CDK6: variants seen among roughly 807,000 people sequenced by gnomAD.
CDK6 encodes cyclin dependent kinase 6, also known as cyclin-dependent kinase 6.
CDK6 carries 6 observed loss-of-function variants against 37.1 expected under a neutral mutation model. The observed-to-expected ratio is 0.16, with a 90% CI of 0.09 to 0.32. The LOEUF is 0.32. Ranked by LOEUF, CDK6 falls within the 10% of genes least tolerant of loss-of-function variation. The probability of loss-of-function intolerance (pLI) is 1.00; values close to 1 mark genes in which losing one functional copy is unlikely to be tolerated. For synonymous variants in CDK6, 160 were observed against 161.3 expected, an observed-to-expected ratio of 0.99 and a Z score of 0.06; for missense variants, 224 against 418.9, an observed-to-expected ratio of 0.53 and a Z score of 4.06.
intron 5 of CDK6, among the ~76,000 whole-genome samples, chr7:92,629,307 A>G (rs1796000877): frequency 6.6e-6 from 1 of 152,086 alleles, no homozygotes; most frequent in South Asian, 2.1e-4. Flanking sequence ...AAAAATAAAT[A>G]GCTGAATTAA....
intron 2 of CDK6, among the ~76,000 whole-genome samples, chr7:92,780,082 C>T (rs986217260): frequency 6.6e-6 from 1 of 152,178 alleles, no homozygotes; most frequent in Non-Finnish European, 1.5e-5. Context: ...AAGTGATTCT[C>T]CTGCCTCAGC....
intron 2 of CDK6, among the ~76,000 whole-genome samples, chr7:92,808,711 G>A (rs1800791277): frequency 1.3e-5 from 2 of 152,158 alleles, no homozygotes; most frequent in South Asian, 4.1e-4. Flanking sequence ...AGTATTTTGA[G>A]GTAGGGTGGT....
rs79540179 is a variant in CDK6, at chr7:92,770,931, T to C, written c.369+3765A>G. ...GGTCTTGTTTTGATTTTCTATTTTA[T>C]ATATATTTCATGTTAAAATATCTGG... On this transcript the variant is annotated intron_variant, in intron 3 of 7. Coordinates refer to ENST00000424848, the MANE Select transcript of CDK6 (RefSeq NM_001145306.2). Among the ~76,000 whole-genome samples the C allele has an allele frequency of 4.9e-4, 74 of 152,220 alleles. No homozygotes were observed. The East Asian group carries it at 0.013, about 27-fold the overall frequency.
At chr7:92,717,520 A>G (rs753390393) in intron 4 of CDK6, among the ~76,000 whole-genome samples, 1 of 152,088 alleles carries the variant, frequency 6.6e-6, no homozygotes, top group Non-Finnish European at 1.5e-5. Context: ...AGAAAGAAAG[A>G]AAAGAAAAAG....
At chr7:92,794,365 T>C (rs994020462) in intron 2 of CDK6, among the ~76,000 whole-genome samples, 1 of 152,136 alleles carries the variant, frequency 6.6e-6, no homozygotes, top group Non-Finnish European at 1.5e-5. Flanking sequence ...AGCCAGGATT[T>C]GTACTCAGAA....
rs1562913735 is a variant in CDK6, at chr7:92,623,013, GTAAAATTA to G, written c.698+15_698+22del. On this transcript the variant is annotated intron_variant, in intron 6 of 7. Coordinates refer to ENST00000424848, the MANE Select transcript of CDK6 (RefSeq NM_001145306.2). ...ATGTTTTAATGCTATGGACACTGGT[GTAAAATTA>G]TAATTATTACTTACTCCAAGATTTT... 6.1e-6 allele frequency: 9 copies of G among 1,476,924 alleles called. No homozygotes were observed. Among genetic ancestry groups the G allele is most frequent in the Non-Finnish European group, 7.5e-6 (8 of 1,067,762 alleles). The allele number at this position is 1,476,924 out of a possible 1,614,324, so 91.5% of individuals were successfully genotyped here. A position where few individuals can be genotyped will look rare whatever the true frequency, so the allele number is the denominator to read the frequency against.
Position 92,805,928 on chromosome 7 carries a change from G to A in CDK6, c.233+27163C>T, listed in dbSNP as rs145883621. ...AAAATGTATCTTCTTGTAGGGGAAGGGGAGTGAAGAGTCATTGTTTAGTGA... is the reference window on the plus strand; with the variant it reads ...AAAATGTATCTTCTTGTAGGGGAAGAGGAGTGAAGAGTCATTGTTTAGTGA... On this transcript the variant is annotated intron_variant, in intron 2 of 7. Coordinates refer to ENST00000424848, the MANE Select transcript of CDK6 (RefSeq NM_001145306.2). Among the ~76,000 whole-genome samples the A allele has an allele frequency of 2.0e-3, 311 of 152,238 alleles. 2 individuals are homozygous for A. The highest frequency in any genetic ancestry group is 7.2e-3 in the African/African-American group (301 of 41,536).
intron 4 of CDK6, among the ~76,000 whole-genome samples, chr7:92,704,103 A>C (rs1228059336): frequency 6.6e-6 from 1 of 152,050 alleles, no homozygotes; most frequent in African/African-American, 2.4e-5. Flanking sequence ...TACGCAAAAG[A>C]CCTTCTTTGA....
At chr7:92,757,934 G>C (rs1799356149) in intron 3 of CDK6, among the ~76,000 whole-genome samples, 1 of 152,120 alleles carries the variant, frequency 6.6e-6, no homozygotes, top group Admixed American at 6.5e-5. Context: ...AAATATGCTT[G>C]TTGACCACAT....
At chr7:92,713,299 T>C (rs556390496) in intron 4 of CDK6, among the ~76,000 whole-genome samples, 1 of 152,224 alleles carries the variant, frequency 6.6e-6, no homozygotes, top group Non-Finnish European at 1.5e-5. Flanking sequence ...GTAAAGTCTT[T>C]TAAAATGCAT....
intron 2 of CDK6, among the ~76,000 whole-genome samples, chr7:92,800,155 C>A (rs914253473): frequency 1.3e-5 from 2 of 152,140 alleles, no homozygotes; most frequent in Non-Finnish European, 2.9e-5. Flanking sequence ...TAATTTAGGC[C>A]ACCATTATTT....
Position 92,788,854 on chromosome 7 carries a change from T to G in CDK6, c.234-14023A>C, listed in dbSNP as rs767357535. 7.7e-4 allele frequency among the ~76,000 whole-genome samples: 117 copies of G among 152,242 alleles called. No individual in the cohort carries two copies. In the Middle Eastern group the frequency reaches 0.014, roughly 18 times the overall value. ...GGAAGCAGCCAGGCATGGTGGCTCA[T>G]GCATGTAATCTCAACACTTTGGGAG... On this transcript the variant is annotated intron_variant, in intron 2 of 7. Transcript: ENST00000424848.
intron 2 of CDK6, among the ~76,000 whole-genome samples, chr7:92,800,448 C>A (rs1222129148): frequency 2.0e-5 from 3 of 152,128 alleles, no homozygotes; most frequent in Admixed American, 2.0e-4. Context: ...TTAATTTTGT[C>A]TTCTGAACTG....
chr7:92,662,347 G>A (rs780589913), intron 5 of CDK6, among the ~76,000 whole-genome samples: 2 of 152,110 alleles, frequency 1.3e-5, no homozygotes, highest in Admixed American at 6.5e-5. Flanking sequence ...CTTAAGGATC[G>A]TGGGGATGGG....
chr7:92,690,893 T>C (rs1478027236), intron 4 of CDK6, among the ~76,000 whole-genome samples: 3 of 152,216 alleles, frequency 2.0e-5, no homozygotes, highest in African/African-American at 7.2e-5. Flanking sequence ...GGGAGTCAAT[T>C]ACCACTATAT....
Position 92,614,822 on chromosome 7 carries a change from C to G in CDK6, c.*318G>C, listed in dbSNP as rs1166835459. 2.7e-6 allele frequency: 1 copy of G among 369,982 alleles called. No individual in the cohort carries two copies. Among genetic ancestry groups the G allele is most frequent in the Non-Finnish European group, 5.0e-6 (1 of 200,222 alleles). The allele number at this position is 369,982 out of a possible 1,614,324, so 22.9% of individuals were successfully genotyped here. On this transcript the variant is annotated 3_prime_UTR_variant, in exon 8 of 8. Coordinates refer to ENST00000424848, the MANE Select transcript of CDK6 (RefSeq NM_001145306.2). ...CTGTGCCTGGATTACCCACTCCACACTGGCAGCATTCAAGGTTAGAAAAAT... is the reference window on the plus strand; with the variant it reads ...CTGTGCCTGGATTACCCACTCCACAGTGGCAGCATTCAAGGTTAGAAAAAT...
At chr7:92,703,571 T>C (rs547362767) in intron 4 of CDK6, among the ~76,000 whole-genome samples, 2 of 152,174 alleles carry the variant, frequency 1.3e-5, no homozygotes, top group African/African-American at 4.8e-5. Context: ...ACATCACATG[T>C]TTTATGACAT....
At chr7:92,672,296 C>A (rs1797108876) in intron 4 of CDK6, among the ~76,000 whole-genome samples, 1 of 145,996 alleles carries the variant, frequency 6.8e-6, no homozygotes, top group African/African-American at 2.6e-5. Flanking sequence ...GTCTACACAA[C>A]ACCCAGGACA....
chr7:92,615,838 T>G (rs1469628023), intron 7 of CDK6, among the ~76,000 whole-genome samples: 1 of 152,214 alleles, frequency 6.6e-6, no homozygotes, highest in Non-Finnish European at 1.5e-5. Flanking sequence ...GTCAAGTGGT[T>G]TGGGCAGTTT....
Sources: gnomAD v4.1 joint callset for allele counts (sites outside exome capture counted in the v4.1 genomes callset) on GRCh38, gnomAD v4.1.1 for gene constraint, MANE v1.5 for transcripts, NCBI Gene and HGNC (gene_info 2026-07-23, HGNC 2026-07-21) for gene names.